The following IMPACT variants were observed in gnomAD, a reference collection of about 807,000 sequenced individuals.
The protein encoded by IMPACT is protein IMPACT.
A neutral mutation model predicts 47.5 loss-of-function variants in IMPACT; 35 were observed. The observed-to-expected ratio is 0.74, with a 90% confidence interval of 0.56 to 0.98. The LOEUF (loss-of-function observed/expected upper bound fraction) is 0.98, where lower values mean the gene tolerates loss of function less well. Ranked by LOEUF, IMPACT falls within the 50% of genes least tolerant of loss-of-function variation. The pLI, the probability that IMPACT is intolerant of heterozygous loss-of-function variation, is 0.00. For missense variants in IMPACT, 373 were observed against 394.8 expected, an observed-to-expected ratio of 0.94 and a Z score of 0.47; for synonymous variants, 118 against 125.6, an observed-to-expected ratio of 0.94 and a Z score of 0.40.
intron 9 of IMPACT, among the ~76,000 whole-genome samples, chr18:24,448,816 TTTTG>T (rs984743593): frequency 6.6e-6 from 1 of 152,178 alleles, no homozygotes; most frequent in Non-Finnish European, 1.5e-5. Flanking sequence ...CCTGGTCCAT[TTTTG>T]TTTGTTTATC....
At chr18:24,436,125 C>T (rs1908933277) in intron 4 of IMPACT, among the ~76,000 whole-genome samples, 1 of 152,058 alleles carries the variant, frequency 6.6e-6, no homozygotes, top group Non-Finnish European at 1.5e-5. Flanking sequence ...TTCAGTCAGG[C>T]TTTTGGAGTC....
At chr18:24,431,109 ATTAC>A (rs1568085263) in intron 4 of IMPACT, among the ~76,000 whole-genome samples, 6 of 152,292 alleles carry the variant, frequency 3.9e-5, no homozygotes, top group South Asian at 2.1e-4. Flanking sequence ...TGGCAGAGAT[ATTAC>A]TTATAATATT....
chr18:24,427,904 A>C lies in IMPACT; in HGVS notation c.37-15A>C, dbSNP rs1157993865. ...GTGTACATTTGTTGACTTTTAAAAAATCAATTTCTTTCAGAATGAGGAAAT... is the reference window on the plus strand; with the variant it reads ...GTGTACATTTGTTGACTTTTAAAAACTCAATTTCTTTCAGAATGAGGAAAT... On this transcript the variant is annotated splice_polypyrimidine_tract_variant and intron_variant, in intron 1 of 10. Transcript: ENST00000284202. 1 of 1,593,730 alleles carries C rather than the reference A, an allele frequency of 6.3e-7. No individual in the cohort carries two copies.
rs745829864 is a variant in IMPACT, at chr18:24,449,940, A to G, written c.881A>G (p.Tyr294Cys). ...CARNILVEKN[Y>C]TNSPEESSKA... ...AGAAACATACTAGTGGAAAAGAACT[A>G]CACAAATTCACCTGTAAGTGGCTCT... The change falls in exon 10 of 11, where the codon TAC becomes TGC. Residue 294 changes from tyrosine to cysteine, a missense_variant. Tyr to Cys is a radical substitution (Grantham distance 194). Coordinates refer to ENST00000284202, the MANE Select transcript of IMPACT (RefSeq NM_018439.4). 1 of 1,614,082 alleles carries G rather than the reference A, an allele frequency of 6.2e-7. No homozygotes were observed. Among genetic ancestry groups the G allele is most frequent in the South Asian group, 1.1e-5 (1 of 91,082 alleles).
At chr18:24,449,693 T>A in intron 9 of IMPACT, 126 bp from the exon 10 acceptor site, 1 of 762,454 alleles carries the variant, frequency 1.3e-6, no homozygotes, top group Non-Finnish European at 2.2e-6. Context: ...CATATGGCTC[T>A]ACCATTAAAG....
intron 6 of IMPACT, among the ~76,000 whole-genome samples, chr18:24,441,270 A>G (rs8089630): frequency 0.061 from 9,240 of 152,122 alleles, 901 homozygotes; most frequent in African/African-American, 0.21. Flanking sequence ...TCTCAGTTCA[A>G]TGCAACCTTG....
chr18:24,428,189 C>T, intron 2 of IMPACT, 142 bp downstream of exon 2: 1 of 700,018 alleles, frequency 1.4e-6, no homozygotes, highest in South Asian at 2.2e-5. Flanking sequence ...TGGGCAGTTA[C>T]ATCTCAGATC....
chr18:24,446,504 G>A (rs1167381402), intron 8 of IMPACT, among the ~76,000 whole-genome samples: 1 of 152,072 alleles, frequency 6.6e-6, no homozygotes, highest in Non-Finnish European at 1.5e-5. Flanking sequence ...GAAAAAATAC[G>A]CAAATTTGTA....
chr18:24,446,868 T>G (rs772572087), intron 8 of IMPACT, among the ~76,000 whole-genome samples: 6 of 152,210 alleles, frequency 3.9e-5, no homozygotes, highest in Non-Finnish European at 7.3e-5. Context: ...ATTCTACATG[T>G]TTTTTGAGTG....
In IMPACT at chr18:24,443,093, A is replaced by G. The variant is rs185554917; in HGVS notation, c.535A>G (p.Ile179Val). ...ACCTCCGATTGATCATGGCATTCCT[A>G]TTACAGACCGAAGAAGTACTTTTCA... ...ELPPIDHGIP[I>V]TDRRSTFQAH... is the part of the protein sequence containing the mutation. The change falls in exon 7 of 11, where the codon ATT becomes GTT. Residue 179 changes from isoleucine to valine, a missense_variant. Coordinates refer to ENST00000284202, the MANE Select transcript of IMPACT (RefSeq NM_018439.4). 2 of 1,608,116 alleles carry G rather than the reference A, an allele frequency of 1.2e-6. No individual in the cohort carries two copies. Among genetic ancestry groups the G allele is most frequent in the Non-Finnish European group, 1.7e-6 (2 of 1,176,144 alleles).
chr18:24,430,179 A>T (rs1029496019), intron 3 of IMPACT, 143 bp from the exon 4 acceptor site: 14 of 485,342 alleles, frequency 2.9e-5, no homozygotes, highest in East Asian at 2.4e-4. Context: ...AGCATTTTGC[A>T]ACTATATAGA....
intron 5 of IMPACT, 29 bp downstream of exon 5, chr18:24,438,069 T>G: frequency 1.0e-6 from 1 of 976,950 alleles, no homozygotes; most frequent in Non-Finnish European, 1.6e-6. Flanking sequence ...ATCAATACTC[T>G]TTTAACTTAT....
intron 7 of IMPACT, 61 bp from the exon 8 acceptor site, chr18:24,445,332 A>G (rs943904242): frequency 6.0e-6 from 6 of 992,844 alleles, no homozygotes; most frequent in African/African-American, 4.9e-5. Context: ...GTATTTTTCT[A>G]GCATTTATTT....
rs563020990 is a variant in IMPACT, at chr18:24,434,188, A to T, written c.282-3767A>T. ...GACCTTCCCCATCTCTATAGAAATT[A>T]AAAACATAAAAATTAACTGGGTGTG... On this transcript the variant is annotated intron_variant, in intron 4 of 10. Coordinates refer to ENST00000284202, the MANE Select transcript of IMPACT (RefSeq NM_018439.4). Among the ~76,000 whole-genome samples, 141 of 152,168 alleles carry T rather than the reference A, an allele frequency of 9.3e-4. 1 individual carries two copies. The highest frequency in any genetic ancestry group is 3.3e-3 in the African/African-American group (139 of 41,516).
chr18:24,450,065 C>A, intron 10 of IMPACT, 112 bp downstream of exon 10: 1 of 1,163,374 alleles, frequency 8.6e-7, no homozygotes, highest in Non-Finnish European at 1.2e-6. Flanking sequence ...ATTGGTAAAA[C>A]CTTTGGACTC....
chr18:24,447,742 T>C (rs1029910117), intron 8 of IMPACT, among the ~76,000 whole-genome samples: 1 of 152,194 alleles, frequency 6.6e-6, no homozygotes, highest in African/African-American at 2.4e-5. Context: ...CCTGTTGCTT[T>C]TATACAGTAT....
rs1156434693 is a variant in IMPACT at position 24,451,543 on chromosome 18, TTGTAA to T, written c.*702_*706del. 15 of 152,228 alleles carry T rather than the reference TTGTAA, an allele frequency of 9.9e-5. No individual in the cohort carries two copies. Among genetic ancestry groups the T allele is most frequent in the African/African-American group, 2.2e-4 (9 of 41,452 alleles). 9.4% of individuals were successfully genotyped at this position (152,228 alleles called of 1,614,324 possible). ...CTAGTCTGCTTTTTTTGTTTAATTC[TTGTAA>T]TGTAAGCAATAAATATGGAGTGTCA... is the stretch of plus-strand genomic sequence containing the variant. On this transcript the variant is annotated 3_prime_UTR_variant, in exon 11 of 11. Transcript: ENST00000284202.
chr18:24,433,182 A>C, intron 4 of IMPACT, among the ~76,000 whole-genome samples: 1 of 139,302 alleles, frequency 7.2e-6, no homozygotes, highest in African/African-American at 2.6e-5. Context: ...TTACTTTTAA[A>C]ACTTTTTTTT....
At chr18:24,433,713 C>T (rs1327129715) in intron 4 of IMPACT, among the ~76,000 whole-genome samples, 2 of 145,600 alleles carry the variant, frequency 1.4e-5, no homozygotes, top group Non-Finnish European at 3.0e-5. Context: ...CTCTGTTGCC[C>T]AGGCTGGAGT....
Sources: allele counts gnomAD v4.1 joint callset (sites outside exome capture counted in the v4.1 genomes callset), GRCh38; gene constraint gnomAD v4.1.1; transcripts MANE v1.5; gene names NCBI Gene and HGNC (gene_info 2026-07-23, HGNC 2026-07-21).